RYR2: variants seen among roughly 807,000 people sequenced by gnomAD.
RYR2 encodes ryanodine receptor 2, also known as cardiac muscle ryanodine receptor-calcium release channel.
In RYR2, 227 loss-of-function variants were observed where a neutral mutation model predicts 601.1. That is an observed-to-expected ratio of 0.38 (90% confidence interval 0.34 to 0.42). The LOEUF (loss-of-function observed/expected upper bound fraction) is 0.42. Among genes scored for constraint, RYR2 ranks in the 10% least tolerant of loss-of-function variants. RYR2 has a pLI of 1.00. For synonymous variants in RYR2, 2,223 were observed against 2,175.1 expected (o/e 1.02, Z -0.61); for missense variants, 4,646 against 6,156.5 (o/e 0.75, Z 8.21).
chr1:237,344,006 A>T (rs1387804936), intron 3 of RYR2, among the ~76,000 whole-genome samples: 1 of 151,622 alleles, frequency 6.6e-6, no homozygotes, highest in Non-Finnish European at 1.5e-5. Flanking sequence ...TATTTTTAGT[A>T]CAGATGGGGT....
chr1:237,330,563 T>A (rs1696607075), intron 2 of RYR2, among the ~76,000 whole-genome samples: 2 of 152,136 alleles, frequency 1.3e-5, no homozygotes, highest in Admixed American at 1.3e-4. Context: ...ACTTTTTGTA[T>A]TTTTAGTAGA....
chr1:237,213,865 A>G (rs1468884730), intron 1 of RYR2, among the ~76,000 whole-genome samples: 1 of 144,374 alleles, frequency 6.9e-6, no homozygotes, highest in African/African-American at 2.6e-5. Context: ...TTTTTCCCCA[A>G]GTTGTTAGCT....
intron 2 of RYR2, among the ~76,000 whole-genome samples, chr1:237,318,902 T>G (rs1695352371): frequency 6.6e-6 from 1 of 152,156 alleles, no homozygotes; most frequent in Admixed American, 6.6e-5. Flanking sequence ...TGCATTTTTC[T>G]GACCGCTTCT....
chr1:237,503,559 C>T, intron 22 of RYR2, 54 bp downstream of exon 22: 1 of 1,566,284 alleles, frequency 6.4e-7, no homozygotes, highest in Non-Finnish European at 8.8e-7. Context: ...TGCTGATACA[C>T]AGTGGCTTTA....
At chr1:237,043,569 C>T (rs1159129342) in intron 1 of RYR2, among the ~76,000 whole-genome samples, 1 of 152,100 alleles carries the variant, frequency 6.6e-6, no homozygotes, top group African/African-American at 2.4e-5. Context: ...GAGAGCCTCT[C>T]CAGAAAAGAA....
intron 24 of RYR2, among the ~76,000 whole-genome samples, chr1:237,525,505 C>T (rs1179874407): frequency 6.6e-6 from 1 of 151,932 alleles, no homozygotes; most frequent in Non-Finnish European, 1.5e-5. Flanking sequence ...GGTTGGAGTG[C>T]AGTGGCATGA....
rs566690905 is a variant in RYR2, at chr1:237,756,401, A to G, written c.11245+14A>G. 9.0e-6 allele frequency: 14 copies of G among 1,560,130 alleles called. No homozygotes were observed. The highest frequency in any genetic ancestry group is 2.2e-5 in the East Asian group (1 of 44,472). ...GTGCCAGCAAAGGTAAGGTTCCTTG[A>G]GTTCCCCTCACGAGTGTCTGTTCTT... On this transcript the variant is annotated intron_variant, in intron 81 of 104. Transcript: ENST00000366574.
At chr1:237,790,578 G>A (rs1658257155) in intron 92 of RYR2, among the ~76,000 whole-genome samples, 1 of 151,746 alleles carries the variant, frequency 6.6e-6, no homozygotes, top group Non-Finnish European at 1.5e-5. Flanking sequence ...AATTATACTG[G>A]AATATTACAT....
chr1:237,059,733 C>T (rs191693729), intron 1 of RYR2, among the ~76,000 whole-genome samples: 2 of 152,236 alleles, frequency 1.3e-5, no homozygotes, highest in East Asian at 3.9e-4. Context: ...GCTACATGAT[C>T]GGCTTTGTGG....
intron 1 of RYR2, among the ~76,000 whole-genome samples, chr1:237,116,776 T>C (rs764908448): frequency 6.6e-6 from 1 of 152,118 alleles, no homozygotes; most frequent in Admixed American, 6.5e-5. Flanking sequence ...ATGTCGTAGC[T>C]CAAGCAGTGA....
In RYR2 at chr1:237,369,536, T is replaced by C. The variant is rs1700475488; in HGVS notation, c.312T>C (p.Thr104=). 6.4e-7 allele frequency: 1 copy of C among 1,560,702 alleles called. No homozygotes were observed. The highest frequency in any genetic ancestry group is 8.7e-7 in the Non-Finnish European group (1 of 1,150,808). The change falls in exon 6 of 105, where the codon ACT becomes ACC. Residue 104 remains threonine, a splice_region_variant and synonymous_variant. Transcript: ENST00000366574. ...CCTTTTTTCTCTTCTCTCTAAAGAC[T>C]GCTCAAGGTGGTGGTCATCGAACAC... is the stretch of plus-strand genomic sequence containing the variant. ...DVEKWKFMMK[T]AQGGGHRTLL... is the part of the protein sequence containing the mutation.
chr1:237,115,977 A>G (rs1024669056), intron 1 of RYR2, among the ~76,000 whole-genome samples: 6 of 152,202 alleles, frequency 3.9e-5, no homozygotes, highest in Non-Finnish European at 2.9e-5. Flanking sequence ...GAATGTGTGG[A>G]CCCATAAGGA....
rs187959883 is a variant in RYR2, at chr1:237,641,068, A to T, written c.7221+66A>T. 1.2e-5 allele frequency: 14 copies of T among 1,154,362 alleles called. No homozygotes were observed. In the East Asian group the frequency reaches 3.5e-4, roughly 29 times the overall value. The allele number at this position is 1,154,362 out of a possible 1,614,324, so 71.5% of individuals were successfully genotyped here. ...CTGTGTTAAGACATCTATAGCTGTC[A>T]AAGAGCATAACAGCATCCAAAACCA... On this transcript the variant is annotated intron_variant, in intron 47 of 104. Coordinates refer to ENST00000366574, the MANE Select transcript of RYR2 (RefSeq NM_001035.3).
chr1:237,229,027 C>T (rs896136974), intron 1 of RYR2, among the ~76,000 whole-genome samples: 1 of 151,994 alleles, frequency 6.6e-6, no homozygotes, highest in Non-Finnish European at 1.5e-5. Flanking sequence ...GACCATTTTA[C>T]AGATGTGGAA....
At chr1:237,775,573 A>G (rs1361432284) in intron 87 of RYR2, among the ~76,000 whole-genome samples, 1 of 152,176 alleles carries the variant, frequency 6.6e-6, no homozygotes, top group Admixed American at 6.6e-5. Flanking sequence ...TCAAACTTCT[A>G]CTAACTATAG....
Position 237,065,269 on chromosome 1 carries a change from C to CTTTTTT in RYR2, c.48+22722_48+22727dup, listed in dbSNP as rs766039441. On this transcript the variant is annotated intron_variant, in intron 1 of 104. Coordinates refer to ENST00000366574, the MANE Select transcript of RYR2 (RefSeq NM_001035.3). Reference sequence around the variant, plus strand: ...CCTCAAAGAGCTCTTGTGTGCTATCCTTTTTTTTTTTTTTTTTTTTTTTTT... The same window carrying CTTTTTT: ...CCTCAAAGAGCTCTTGTGTGCTATCCTTTTTTTTTTTTTTTTTTTTTTTTTTTTTTT... 1.3e-4 allele frequency among the ~76,000 whole-genome samples: 10 copies of CTTTTTT among 77,490 alleles called. 4 individuals are homozygous for CTTTTTT. The highest frequency in any genetic ancestry group is 1.6e-4 in the African/African-American group (3 of 19,160). 50.8% of individuals were successfully genotyped at this position (77,490 alleles called of 152,430 possible).
intron 1 of RYR2, among the ~76,000 whole-genome samples, chr1:237,174,626 C>G (rs886234841): frequency 6.6e-6 from 1 of 152,180 alleles, no homozygotes; most frequent in African/African-American, 2.4e-5. Context: ...TTTGTTTCCC[C>G]TTAGACCTAA....
At chr1:237,116,984 A>G (rs1670154880) in intron 1 of RYR2, among the ~76,000 whole-genome samples, 1 of 152,218 alleles carries the variant, frequency 6.6e-6, no homozygotes, top group Non-Finnish European at 1.5e-5. Flanking sequence ...CCTGTGGTCC[A>G]GTCAAGTTGA....
intron 29 of RYR2, among the ~76,000 whole-genome samples, chr1:237,571,985 A>G (rs1465145788): frequency 2.0e-5 from 3 of 152,168 alleles, no homozygotes; most frequent in Non-Finnish European, 2.9e-5. Context: ...TTTAAAATGT[A>G]TGATTGAATT....
Sources: allele counts gnomAD v4.1 joint callset (sites outside exome capture counted in the v4.1 genomes callset), GRCh38; gene constraint gnomAD v4.1.1; transcripts MANE v1.5; gene names NCBI Gene and HGNC (gene_info 2026-07-23, HGNC 2026-07-21).